SUGCT: variants seen among roughly 807,000 people sequenced by gnomAD.
The protein encoded by SUGCT is succinyl-CoA:glutarate CoA-transferase.
SUGCT carries 41 observed loss-of-function variants against 55.0 expected under a neutral mutation model. The ratio of observed to expected loss-of-function variants is 0.74; its 90% CI spans 0.58 to 0.97. The LOEUF is 0.97. SUGCT is among the 50% of genes least tolerant of loss of function. The pLI is 0.00. For missense variants in SUGCT, 568 were observed against 547.8 expected (o/e 1.04, Z -0.37); for synonymous variants, 187 against 200.4 (o/e 0.93, Z 0.56).
chr7:40,694,601 T>C (rs916684690), intron 12 of SUGCT, among the ~76,000 whole-genome samples: 5 of 152,246 alleles, frequency 3.3e-5, no homozygotes, highest in African/African-American at 1.2e-4. Context: ...TTGTGGGGAT[T>C]GTCTGAAAGT....
At chr7:40,414,144 G>T (rs2151351057) in intron 9 of SUGCT, among the ~76,000 whole-genome samples, 1 of 152,210 alleles carries the variant, frequency 6.6e-6, no homozygotes. Context: ...CTATCACTAA[G>T]GAAAGAAAGA....
intron 9 of SUGCT, among the ~76,000 whole-genome samples, chr7:40,390,953 A>G (rs1470554829): frequency 6.6e-6 from 1 of 152,232 alleles, no homozygotes. Context: ...CCAATGGAAC[A>G]GAACAGAACC....
intron 12 of SUGCT, among the ~76,000 whole-genome samples, chr7:40,549,022 A>G (rs892378127): frequency 1.3e-5 from 2 of 152,226 alleles, no homozygotes; most frequent in Middle Eastern, 3.4e-3. Flanking sequence ...GGGCCTCTAT[A>G]TTCAAGTGGG....
At position 40,648,327 on chromosome 7, in the gene SUGCT, G is replaced by C. The variant is rs1800622256; in HGVS notation, c.1090-101107G>C. On this transcript the variant is annotated intron_variant, in intron 12 of 13. Transcript: ENST00000335693. ...ACATCACTGATATTTTTATGTATTAGTCTTCCACAAAGTTTTAGTAGATTT... is the reference window on the plus strand; with the variant it reads ...ACATCACTGATATTTTTATGTATTACTCTTCCACAAAGTTTTAGTAGATTT... Among the ~76,000 whole-genome samples, 3 of 151,974 alleles carry C rather than the reference G, an allele frequency of 2.0e-5. No individual in the cohort carries two copies. The South Asian group carries it at 6.2e-4, about 32-fold the overall frequency.
chr7:40,678,927 A>C (rs889547125), intron 12 of SUGCT, among the ~76,000 whole-genome samples: 4 of 152,224 alleles, frequency 2.6e-5, no homozygotes, highest in Non-Finnish European at 4.4e-5. Flanking sequence ...AAATAAATAA[A>C]TAAATAGAAA....
chr7:40,157,885 G>A (rs1783972122), intron 1 of SUGCT, among the ~76,000 whole-genome samples: 2 of 152,150 alleles, frequency 1.3e-5, no homozygotes, highest in South Asian at 2.1e-4. Context: ...AAGGGTTTCC[G>A]AGAGTCAAAT....
chr7:40,528,418 A>C (rs761366464), intron 12 of SUGCT, among the ~76,000 whole-genome samples: 3 of 152,190 alleles, frequency 2.0e-5, no homozygotes, highest in Non-Finnish European at 4.4e-5. Flanking sequence ...TTTTGGTCAT[A>C]GGTTTAAAGA....
chr7:40,498,056 C>T (rs370986563), intron 12 of SUGCT, among the ~76,000 whole-genome samples: 3 of 152,150 alleles, frequency 2.0e-5, no homozygotes, highest in Admixed American at 1.3e-4. Flanking sequence ...CTTTGCATCT[C>T]AATTCTTCTG....
At chr7:40,882,570 C>T in the SUGCT span, among the ~76,000 whole-genome samples, 1 of 152,162 alleles carries the variant, frequency 6.6e-6, no homozygotes, top group Non-Finnish European at 1.5e-5. Context: ...TGTTAGAACA[C>T]ACAATAAAGC....
the SUGCT span, among the ~76,000 whole-genome samples, chr7:41,021,414 T>C: frequency 1.1e-4 from 16 of 152,240 alleles, no homozygotes; most frequent in Admixed American, 8.5e-4. Flanking sequence ...CTGTTTTGTA[T>C]GTTTGTAGTA....
chr7:40,983,481 A>T, the SUGCT span, among the ~76,000 whole-genome samples: 1 of 152,182 alleles, frequency 6.6e-6, no homozygotes, highest in Non-Finnish European at 1.5e-5. Flanking sequence ...GCTGCTTAGC[A>T]CAAAGTCCTG....
At chr7:40,492,713 G>C (rs1278237072) in intron 11 of SUGCT, among the ~76,000 whole-genome samples, 1 of 152,068 alleles carries the variant, frequency 6.6e-6, no homozygotes, top group Non-Finnish European at 1.5e-5. Context: ...TCAACACTTG[G>C]CTCAAATATC....
At chr7:40,247,884 A>G (rs540715963) in intron 7 of SUGCT, among the ~76,000 whole-genome samples, 2 of 152,040 alleles carry the variant, frequency 1.3e-5, no homozygotes, top group Non-Finnish European at 2.9e-5. Context: ...TTTAAGTCAA[A>G]TTAGTTAATT....
At chr7:40,419,527 G>A (rs1787192623) in intron 9 of SUGCT, among the ~76,000 whole-genome samples, 1 of 152,164 alleles carries the variant, frequency 6.6e-6, no homozygotes, top group Non-Finnish European at 1.5e-5. Flanking sequence ...CTACAAAGCT[G>A]TACAAAGTTC....
At chr7:40,498,012 A>G (rs1184839744) in intron 12 of SUGCT, among the ~76,000 whole-genome samples, 1 of 152,034 alleles carries the variant, frequency 6.6e-6, no homozygotes, top group Non-Finnish European at 1.5e-5. Flanking sequence ...TTTATAACTA[A>G]TTTTCTCTTG....
chr7:41,008,871 C>T, the SUGCT span, among the ~76,000 whole-genome samples: 20 of 151,906 alleles, frequency 1.3e-4, no homozygotes, highest in African/African-American at 3.6e-4. Context: ...CGTGGTCACC[C>T]GAAGGGATGG....
chr7:40,257,189 A>T (rs1790868025), intron 7 of SUGCT, among the ~76,000 whole-genome samples: 1 of 152,188 alleles, frequency 6.6e-6, no homozygotes, highest in African/African-American at 2.4e-5. Context: ...AATTACAGGC[A>T]TGTGCCACCA....
rs200586474 is a variant in SUGCT at position 40,854,419 on chromosome 7, C to CTTTCTTTCTTT, written c.1154-5897_1154-5896insTTTCTTTCTTT. 3.3e-3 allele frequency among the ~76,000 whole-genome samples: 295 copies of CTTTCTTTCTTT among 88,808 alleles called. 5 individuals are homozygous for CTTTCTTTCTTT. Among genetic ancestry groups the CTTTCTTTCTTT allele is most frequent in the Middle Eastern group, 0.011 (2 of 178 alleles). 58.3% of individuals were successfully genotyped at this position (88,808 alleles called of 152,430 possible). A position where few individuals can be genotyped will look rare whatever the true frequency, so the allele number is the denominator to read the frequency against. ...TTTTTCTTTCTTTCTTTCTTTCTTT[C>CTTTCTTTCTTT]CTTTCTTTCTTTCTTTCTTTCTTTC... On this transcript the variant is annotated intron_variant, in intron 13 of 13. Transcript: ENST00000335693.
At chr7:41,031,758 C>A in the SUGCT span, among the ~76,000 whole-genome samples, 1 of 152,206 alleles carries the variant, frequency 6.6e-6, no homozygotes, top group Non-Finnish European at 1.5e-5. Context: ...TTACCTTCCT[C>A]TCTTACTCTT....
Sources: gnomAD v4.1 joint callset for allele counts (sites outside exome capture counted in the v4.1 genomes callset) on GRCh38, gnomAD v4.1.1 for gene constraint, MANE v1.5 for transcripts, NCBI Gene and HGNC (gene_info 2026-07-23, HGNC 2026-07-21) for gene names.